CADM1: variants seen among roughly 807,000 people sequenced by gnomAD.
The protein encoded by CADM1 is TSLC-1.
Under a neutral mutation model 53.1 loss-of-function variants are expected in CADM1, and 15 were observed. That is an observed-to-expected ratio of 0.28 (90% CI 0.19 to 0.44). The LOEUF (loss-of-function observed/expected upper bound fraction) is 0.44. Ranked by LOEUF, CADM1 falls within the 20% of genes least tolerant of loss-of-function variation. CADM1 has a pLI of 1.00. For synonymous variants in CADM1, 281 were observed against 243.0 expected (o/e 1.16, Z -1.45); for missense variants, 434 against 611.3 (o/e 0.71, Z 3.06).
intron 1 of CADM1, among the ~76,000 whole-genome samples, chr11:115,280,476 A>G (rs1345857648): frequency 6.6e-6 from 1 of 152,214 alleles, no homozygotes; most frequent in African/African-American, 2.4e-5. Flanking sequence ...TTTGTATATA[A>G]TGTAGCCACC....
At chr11:115,388,946 AG>A (rs1417750263) in intron 1 of CADM1, among the ~76,000 whole-genome samples, 24 of 152,168 alleles carry the variant, frequency 1.6e-4, no homozygotes, top group Non-Finnish European at 3.2e-4. Flanking sequence ...ATTAGATAAA[AG>A]TATTATGTCA....
chr11:115,384,063 C>A (rs1460731787), intron 1 of CADM1, among the ~76,000 whole-genome samples: 2 of 152,128 alleles, frequency 1.3e-5, no homozygotes, highest in African/African-American at 4.8e-5. Context: ...ATCAATATGG[C>A]TATTCTACCT....
At chr11:115,195,191 G>A (rs750963528) in intron 9 of CADM1, among the ~76,000 whole-genome samples, 5 of 152,182 alleles carry the variant, frequency 3.3e-5, no homozygotes, top group Non-Finnish European at 7.3e-5. Context: ...CATTGTGGCT[G>A]ATTGTTGTTT....
chr11:115,312,088 G>T lies in CADM1; in HGVS notation c.125-71668C>A, dbSNP rs1192006517. ...TACAAGAAGCTCACAGTCTGGTACA[G>T]AAGAGAGAAATGTAAACAGAGTATT... is the stretch of plus-strand genomic sequence containing the variant. On this transcript the variant is annotated intron_variant, in intron 1 of 11. Transcript: ENST00000331581. Among the ~76,000 whole-genome samples the T allele has an allele frequency of 3.3e-5, 5 of 152,240 alleles. No individual in the cohort carries two copies. In the South Asian group the frequency reaches 6.2e-4, roughly 19 times the overall value.
intron 1 of CADM1, among the ~76,000 whole-genome samples, chr11:115,428,369 C>A (rs1375497074): frequency 6.6e-6 from 1 of 152,112 alleles, no homozygotes; most frequent in East Asian, 1.9e-4. Flanking sequence ...TCTTATAATG[C>A]CCTCAGGATA....
At chr11:115,306,856 T>C (rs1014384638) in intron 1 of CADM1, among the ~76,000 whole-genome samples, 1 of 152,012 alleles carries the variant, frequency 6.6e-6, no homozygotes, top group Non-Finnish European at 1.5e-5. Flanking sequence ...AGTTTTAATT[T>C]GGTTAATGCA....
Position 115,502,327 on chromosome 11 carries a change from CTTTTTTTTTTTT to C in CADM1, c.124+1932_124+1943del, listed in dbSNP as rs11358670. 1.3e-3 allele frequency among the ~76,000 whole-genome samples: 67 copies of C among 52,394 alleles called. 1 individual carries two copies. The highest frequency in any genetic ancestry group is 4.8e-3 in the African/African-American group (60 of 12,464). 34.4% of individuals were successfully genotyped at this position (52,394 alleles called of 152,430 possible). On this transcript the variant is annotated intron_variant, in intron 1 of 11. Transcript: ENST00000331581. ...ACCACAGCTTTCCACCGCCCCCCGG[CTTTTTTTTTTTT>C]TTTTTTTTTTTTTTTTGCAGCCAAT...
intron 1 of CADM1, among the ~76,000 whole-genome samples, chr11:115,407,873 TAAAAAA>T (rs148209064): frequency 3.5e-4 from 11 of 31,748 alleles, no homozygotes; most frequent in Admixed American, 2.1e-3. Flanking sequence ...CCCTGTCATT[TAAAAAA>T]AAAAAAAAAA....
At chr11:115,220,923 G>C (rs1315871405) in intron 5 of CADM1, among the ~76,000 whole-genome samples, 1 of 152,172 alleles carries the variant, frequency 6.6e-6, no homozygotes, top group African/African-American at 2.4e-5. Flanking sequence ...ATGGCTGATT[G>C]AATAGCCCAG....
chr11:115,462,263 C>G lies in CADM1; in HGVS notation c.124+42008G>C, dbSNP rs73581166. Among the ~76,000 whole-genome samples the G allele has an allele frequency of 5.6e-3, 854 of 152,308 alleles. 6 individuals carry two copies. Among genetic ancestry groups the G allele is most frequent in the African/African-American group, 0.02 (825 of 41,560 alleles). On this transcript the variant is annotated intron_variant, in intron 1 of 11. Transcript: ENST00000331581. Reference sequence around the variant, plus strand: ...GCGGCAATTAAATCGTGATCTATTTCAGAAAGCTGACTGCTTCCGCCGGAC... The same window carrying G: ...GCGGCAATTAAATCGTGATCTATTTGAGAAAGCTGACTGCTTCCGCCGGAC...
chr11:115,208,346 A>G (rs1940794414), intron 8 of CADM1, among the ~76,000 whole-genome samples: 1 of 152,340 alleles, frequency 6.6e-6, no homozygotes. Flanking sequence ...AATCTGTTGT[A>G]TATTCTATCA....
intron 1 of CADM1, among the ~76,000 whole-genome samples, chr11:115,267,042 G>A (rs1256983837): frequency 6.6e-6 from 1 of 152,178 alleles, no homozygotes. Context: ...ATTATGCACT[G>A]CAGCAATCTT....
chr11:115,179,262 T>C (rs1939195354), intron 10 of CADM1, among the ~76,000 whole-genome samples: 1 of 152,180 alleles, frequency 6.6e-6, no homozygotes, highest in South Asian at 2.1e-4. Flanking sequence ...AAAGCCACAG[T>C]TGCCTAGAGA....
intron 1 of CADM1, among the ~76,000 whole-genome samples, chr11:115,343,277 C>A (rs1459377472): frequency 6.6e-6 from 1 of 152,134 alleles, no homozygotes; most frequent in African/African-American, 2.4e-5. Flanking sequence ...AGGCTATGAT[C>A]TTACATATAT....
chr11:115,385,986 CA>C, intron 1 of CADM1, among the ~76,000 whole-genome samples: 1 of 152,356 alleles, frequency 6.6e-6, no homozygotes, highest in South Asian at 2.1e-4. Flanking sequence ...AAACTGAACA[CA>C]TTCAGATATT....
Position 115,459,708 on chromosome 11 carries a change from A to G in CADM1, c.124+44563T>C, listed in dbSNP as rs552163652. The stretch of plus-strand genomic sequence containing the variant: ...AAGGATTGAAAAGACTTTCACACAC[A>G]AAGTTAATTCAAAATGGTTTAGTCA... On this transcript the variant is annotated intron_variant, in intron 1 of 11. Transcript: ENST00000331581. Among the ~76,000 whole-genome samples, 24 of 152,310 alleles carry G rather than the reference A, an allele frequency of 1.6e-4. No homozygotes were observed. In the South Asian group the frequency reaches 4.6e-3, roughly 29 times the overall value.
At chr11:115,254,200 C>T (rs545517902) in intron 1 of CADM1, among the ~76,000 whole-genome samples, 34 of 152,060 alleles carry the variant, frequency 2.2e-4, no homozygotes, top group African/African-American at 7.2e-4. Flanking sequence ...GCTAAGAGGG[C>T]GAATGTTAAT....
intron 1 of CADM1, among the ~76,000 whole-genome samples, chr11:115,257,108 A>T (rs1942814557): frequency 6.6e-6 from 1 of 152,196 alleles, no homozygotes; most frequent in African/African-American, 2.4e-5. Flanking sequence ...TTTCATGTAT[A>T]AGATGCCAAA....
At chr11:115,242,996 G>A (rs1455371477) in intron 1 of CADM1, among the ~76,000 whole-genome samples, 1 of 152,222 alleles carries the variant, frequency 6.6e-6, no homozygotes, top group African/African-American at 2.4e-5. Flanking sequence ...GTATATAGGG[G>A]ATGGGAAAAG....
Sources: gnomAD v4.1 joint callset for allele counts (sites outside exome capture counted in the v4.1 genomes callset) on GRCh38, gnomAD v4.1.1 for gene constraint, MANE v1.5 for transcripts, NCBI Gene and HGNC (gene_info 2026-07-23, HGNC 2026-07-21) for gene names.